ADSL: variants seen among roughly 807,000 people sequenced by gnomAD.
ADSL encodes the protein adenylosuccinase.
ADSL carries 44 observed loss-of-function variants against 62.1 expected under a neutral mutation model. The ratio of observed to expected loss-of-function variants is 0.71; its 90% confidence interval spans 0.56 to 0.91. ADSL has a LOEUF of 0.91. Among genes scored for constraint, ADSL ranks in the 40% least tolerant of loss-of-function variants. The probability of loss-of-function intolerance (pLI) is 0.00; values close to 1 mark genes in which losing one functional copy is unlikely to be tolerated. For missense variants in ADSL, 531 were observed against 627.4 expected, an observed-to-expected ratio of 0.85 and a Z score of 1.64; for synonymous variants, 198 against 220.5, an observed-to-expected ratio of 0.90 and a Z score of 0.90.
chr22:40,370,434 C>G (rs888523154), downstream of ADSL, among the ~76,000 whole-genome samples: 2 of 152,156 alleles, frequency 1.3e-5, no homozygotes, highest in Non-Finnish European at 2.9e-5. Flanking sequence ...CCACACCATA[C>G]TGTCCCAAGC....
chr22:40,371,335 T>C (rs2045426939), downstream of ADSL, among the ~76,000 whole-genome samples: 1 of 152,246 alleles, frequency 6.6e-6, no homozygotes. Context: ...CAAAGGTTGT[T>C]TTCAGTGACT....
chr22:40,350,700 C>T (rs766701991), intron 2 of ADSL, among the ~76,000 whole-genome samples: 3 of 151,880 alleles, frequency 2.0e-5, no homozygotes, highest in Non-Finnish European at 4.4e-5. Context: ...CTCACTGCAA[C>T]CTCTGCCTCC....
chr22:40,356,927 ACT>A (rs2044583155), intron 4 of ADSL, among the ~76,000 whole-genome samples: 1 of 152,136 alleles, frequency 6.6e-6, no homozygotes, highest in Admixed American at 6.5e-5. Flanking sequence ...ACAGAGTCTC[ACT>A]CTGTCACCTA....
At chr22:40,376,291 C>CTGCT (rs1165469031) in intron 2 of ADSL, 4 of 136,516 alleles carry the variant, frequency 2.9e-5, no homozygotes, top group African/African-American at 1.1e-4. Context: ...CCTTGCTTGT[C>CTGCT]TGCTTGCTTG....
At position 40,361,635 on chromosome 22, in the gene ADSL, G is replaced by A. The variant is rs1411730717; in HGVS notation, c.1010G>A (p.Arg337Gln). ...FERTLDDSAN[R>Q]RICLAEAFLT... ...CGCACACTGGATGATAGTGCCAACCGGTCAGTGGCACAGGGACATCACATA... is the reference window on the plus strand; with the variant it reads ...CGCACACTGGATGATAGTGCCAACCAGTCAGTGGCACAGGGACATCACATA... Residue 337 changes from arginine to glutamine, a missense_variant and splice_region_variant, in exon 9 of 13, where the codon CGA (arginine) becomes CAA (glutamine). Physicochemically the swap from Arg to Gln is conservative, Grantham distance 43. Transcript: ENST00000623063. The A allele has an allele frequency of 2.5e-6, 4 of 1,612,936 alleles. No homozygotes were observed. Among genetic ancestry groups the A allele is most frequent in the Non-Finnish European group, 3.4e-6 (4 of 1,180,020 alleles).
chr22:40,361,802 C>A, intron 9 of ADSL, 167 bp downstream of exon 9: 2 of 884,386 alleles, frequency 2.3e-6, no homozygotes, highest in Non-Finnish European at 3.6e-6. Flanking sequence ...ATAAGTGTTA[C>A]AATTGGAGTG....
Position 40,357,801 on chromosome 22 carries a change from CAG to C in ADSL, c.483-1061_483-1060del, listed in dbSNP as rs2044622158. ...TTTTTTTTCATTTGTTTTTTTGAGA[CAG>C]AATCTGGCTGTGTCGCCCAGTGCGG... On this transcript the variant is annotated intron_variant, in intron 4 of 12. Transcript: ENST00000623063. 3.3e-5 allele frequency among the ~76,000 whole-genome samples: 5 copies of C among 152,076 alleles called. No homozygotes were observed. In the South Asian group the frequency reaches 1.0e-3, roughly 32 times the overall value.
chr22:40,386,516 T>C (rs916170959), intron 2 of ADSL, among the ~76,000 whole-genome samples: 4 of 151,380 alleles, frequency 2.6e-5, no homozygotes, highest in African/African-American at 9.7e-5. Flanking sequence ...CTGGTCTGGC[T>C]ATGCTGCTTT....
intron 1 of ADSL, chr22:40,347,382 T>A (rs1360079805): frequency 6.6e-6 from 1 of 152,268 alleles, no homozygotes; most frequent in Non-Finnish European, 1.5e-5. Flanking sequence ...GGTTTATAAT[T>A]TCTTTTCTAA....
intron 2 of ADSL, among the ~76,000 whole-genome samples, chr22:40,376,775 A>G (rs754547776): frequency 6.6e-6 from 1 of 152,100 alleles, no homozygotes; most frequent in Non-Finnish European, 1.5e-5. Context: ...CCACCTTCAT[A>G]GTTTTTTGTT....
At chr22:40,357,919 C>T (rs28642715) in intron 4 of ADSL, among the ~76,000 whole-genome samples, 5,158 of 151,886 alleles carry the variant, frequency 0.034, 134 homozygotes, top group Middle Eastern at 0.058. Context: ...TTACAAACAC[C>T]CGCCACCACG....
Position 40,346,751 on chromosome 22 carries a change from G to A in ADSL, c.153+40G>A, listed in dbSNP as rs1376469887. On this transcript the variant is annotated intron_variant, in intron 1 of 12. Transcript: ENST00000623063. ...GCTGAGGGGCTGGGCCGGGAGGGAC[G>A]GGCCCGCCCCAGCACGTGCCGGGCT... 2.6e-6 allele frequency: 4 copies of A among 1,562,472 alleles called. No homozygotes were observed. In the African/African-American group the frequency reaches 4.1e-5, roughly 16 times the overall value.
In ADSL at chr22:40,361,474, T is replaced by C; in HGVS notation, c.863-14T>C. The stretch of plus-strand genomic sequence containing the variant: ...TCTCTGCCTTTGCATCTTGTCCTTT[T>C]TTTACATGGGCAGGCTCAAGTGCGA... On this transcript the variant is annotated splice_polypyrimidine_tract_variant and intron_variant, in intron 8 of 12. Transcript: ENST00000623063. 1.2e-6 allele frequency: 2 copies of C among 1,614,220 alleles called. No individual in the cohort carries two copies. Among genetic ancestry groups the C allele is most frequent in the Middle Eastern group, 1.6e-4 (1 of 6,062 alleles).
chr22:40,386,325 T>A (rs2048434351), intron 2 of ADSL, among the ~76,000 whole-genome samples: 1 of 152,168 alleles, frequency 6.6e-6, no homozygotes, highest in South Asian at 2.1e-4. Context: ...TGTGAAATAA[T>A]ATAAAGATAT....
intron 2 of ADSL, among the ~76,000 whole-genome samples, chr22:40,351,742 C>T (rs551771626): frequency 6.6e-6 from 1 of 152,260 alleles, no homozygotes; most frequent in East Asian, 1.9e-4. Flanking sequence ...GAGTCTCGCT[C>T]TGTCTCCCAG....
chr22:40,384,482 A>C (rs2048107158), intron 2 of ADSL, among the ~76,000 whole-genome samples: 1 of 152,148 alleles, frequency 6.6e-6, no homozygotes, highest in Non-Finnish European at 1.5e-5. Flanking sequence ...AAAAAAAATT[A>C]AAAAGAAATA....
intron 4 of ADSL, among the ~76,000 whole-genome samples, chr22:40,354,975 A>G (rs1239972197): frequency 6.6e-6 from 1 of 152,204 alleles, no homozygotes; most frequent in Non-Finnish European, 1.5e-5. Flanking sequence ...CATTTAAATG[A>G]TGCTTACAAG....
rs2044857130 is a variant in ADSL at position 40,363,083 on chromosome 22, C to A, written c.1101+12C>A. 2 of 1,610,162 alleles carry A rather than the reference C, an allele frequency of 1.2e-6. No homozygotes were observed. Among genetic ancestry groups the A allele is most frequent in the African/African-American group, 1.3e-5 (1 of 74,748 alleles). On this transcript the variant is annotated intron_variant, in intron 10 of 12. Transcript: ENST00000623063. ...TCGTGTACCCCAAAGTAAGAAGCCT[C>A]AATTCAAAAGTAAAGTACTAGGGAG... is the stretch of plus-strand genomic sequence containing the variant.
intron 1 of ADSL, chr22:40,348,708 A>G: frequency 5.0e-6 from 2 of 397,886 alleles, no homozygotes; most frequent in Non-Finnish European, 8.9e-6. Context: ...TTTTTAATTA[A>G]TCAATTTAAA....
Sources: gnomAD v4.1 joint callset for allele counts (sites outside exome capture counted in the v4.1 genomes callset) on GRCh38, gnomAD v4.1.1 for gene constraint, MANE v1.5 for transcripts, NCBI Gene and HGNC (gene_info 2026-07-23, HGNC 2026-07-21) for gene names.